The following ALG8 variants were observed in gnomAD, a reference collection of about 807,000 sequenced individuals.
ALG8 encodes the protein ALG8 alpha-1,3-glucosyltransferase.
Under a neutral mutation model 70.2 loss-of-function variants are expected in ALG8, and 48 were observed. The observed-to-expected ratio is 0.68, with a 90% confidence interval of 0.54 to 0.87. ALG8 has a LOEUF of 0.87. Among genes scored for constraint, ALG8 ranks in the 40% least tolerant of loss-of-function variants. ALG8 has a pLI of 0.00. For synonymous variants in ALG8, 234 were observed against 229.0 expected (o/e 1.02, Z -0.20); for missense variants, 572 against 608.7 (o/e 0.94, Z 0.64).
chr11:78,114,143 C>T (rs1860449452), intron 6 of ALG8, 123 bp downstream of exon 6: 1 of 1,444,138 alleles, frequency 6.9e-7, no homozygotes, highest in Non-Finnish European at 9.6e-7. Flanking sequence ...GGGTAAAGGG[C>T]TTACAGGATT....
At chr11:78,120,205 A>C (rs991984991) in intron 4 of ALG8, among the ~76,000 whole-genome samples, 2 of 152,172 alleles carry the variant, frequency 1.3e-5, no homozygotes, top group Non-Finnish European at 2.9e-5. Context: ...ATTTATGTTT[A>C]AGAAGAAAAA....
At chr11:78,112,502 G>A in intron 8 of ALG8, 148 bp downstream of exon 8, 1 of 1,180,816 alleles carries the variant, frequency 8.5e-7, no homozygotes, top group Non-Finnish European at 1.2e-6. Flanking sequence ...CCCAAGAACT[G>A]CTCCCCCTGT....
In ALG8 at chr11:78,109,591, A is replaced by T. The variant is rs1860190413; in HGVS notation, c.899-10T>A. On this transcript the variant is annotated splice_polypyrimidine_tract_variant and intron_variant, in intron 8 of 12. Transcript: ENST00000299626. ...AATTTCAATTTCAAACCTATTAAAC[A>T]GATATTTTGTTTTGTTTTATTTTTA... The T allele has an allele frequency of 6.2e-7, 1 of 1,611,352 alleles. No homozygotes were observed.
chr11:78,102,675 G>A (rs180702509), intron 12 of ALG8, among the ~76,000 whole-genome samples: 18 of 152,258 alleles, frequency 1.2e-4, no homozygotes, highest in African/African-American at 4.1e-4. Context: ...ACAGTTGGCC[G>A]GGCATGGTGG....
chr11:78,122,729 CT>C (rs1276763595), intron 3 of ALG8, among the ~76,000 whole-genome samples: 5 of 152,154 alleles, frequency 3.3e-5, no homozygotes, highest in East Asian at 1.9e-4. Context: ...TACTCTTCCC[CT>C]GGAAGCTTGA....
chr11:78,114,636 G>T, intron 5 of ALG8: 1 of 537,158 alleles, frequency 1.9e-6, no homozygotes, highest in Admixed American at 3.0e-5. Context: ...AACTTTTCTG[G>T]AAAGCTAAAA....
At chr11:78,108,344 C>T (rs988256423) in intron 9 of ALG8, among the ~76,000 whole-genome samples, 6 of 151,832 alleles carry the variant, frequency 4.0e-5, no homozygotes, top group East Asian at 1.9e-4. Flanking sequence ...CAGTGGCAGG[C>T]GCCTGTAATC....
chr11:78,139,500 G>C lies in ALG8; in HGVS notation c.89C>G (p.Pro30Arg), dbSNP rs893629059. 7.1e-6 allele frequency: 11 copies of C among 1,558,524 alleles called. No individual in the cohort carries two copies. Among genetic ancestry groups the C allele is most frequent in the Non-Finnish European group, 9.6e-6 (11 of 1,150,564 alleles). ...GVTLLKCLLI[P>R]TYHSTDFEVH... ...GGCCGTGCGAGTCCCTTACTATGTG[G>C]GGATGAGAAGGCATTTGAGAAGAGT... Residue 30 changes from proline to arginine, a missense_variant, in exon 1 of 13, where the codon CCC becomes CGC. Physicochemically the swap from Pro to Arg is moderately radical, Grantham distance 103 (BLOSUM62 -2). Coordinates refer to ENST00000299626, the MANE Select transcript of ALG8 (RefSeq NM_024079.5).
chr11:78,116,946 T>C (rs1860601183), intron 5 of ALG8, among the ~76,000 whole-genome samples: 1 of 152,198 alleles, frequency 6.6e-6, no homozygotes, highest in Non-Finnish European at 1.5e-5. Context: ...ATTTAAGATC[T>C]GGGTAAGGTC....
intron 1 of ALG8, among the ~76,000 whole-genome samples, chr11:78,130,361 A>AAAAAAAAAG (rs928560857): frequency 1.5e-5 from 2 of 132,636 alleles, no homozygotes; most frequent in South Asian, 2.3e-4. Context: ...AAAAAAAAAA[A>AAAAAAAAAG]AAAAAAGGTG....
Position 78,139,603 on chromosome 11 carries a change from A to C in ALG8, c.-15T>G, listed in dbSNP as rs1310152465. The C allele has an allele frequency of 1.3e-6, 2 of 1,551,888 alleles. No homozygotes were observed. Among genetic ancestry groups the C allele is most frequent in the East Asian group, 2.4e-5 (1 of 40,980 alleles). ...AGCGCCGCCATTGCTGCGGCACCGC[A>C]CGCTTCCCACCAACTTGATCCACAT... On this transcript the variant is annotated 5_prime_UTR_variant, in exon 1 of 13. Transcript: ENST00000299626.
rs561250833 is a variant in ALG8, at chr11:78,113,728, A to C, written c.777+158T>G. ...ACTCCATCTTAAACAAAAACAAAAA[A>C]AAAAAAGGAATACTGCCCTATCTTT... On this transcript the variant is annotated intron_variant, in intron 7 of 12. Transcript: ENST00000299626. Among the ~76,000 whole-genome samples, 21 of 151,674 alleles carry C rather than the reference A, an allele frequency of 1.4e-4. No homozygotes were observed. The East Asian group carries it at 1.5e-3, about 11-fold the overall frequency.
intron 4 of ALG8, 85 bp from the exon 5 acceptor site, chr11:78,119,334 G>A (rs1860716947): frequency 1.1e-6 from 1 of 948,038 alleles, no homozygotes; most frequent in South Asian, 1.4e-5. Flanking sequence ...AATTCCAAAT[G>A]CTTTAATAGC....
intron 1 of ALG8, among the ~76,000 whole-genome samples, chr11:78,131,143 T>C (rs1861293368): frequency 6.6e-6 from 1 of 152,164 alleles, no homozygotes; most frequent in African/African-American, 2.4e-5. Context: ...TATTCAAAAC[T>C]GTTGGAGACT....
In ALG8 at chr11:78,139,590, G is replaced by A. The variant is rs1861711029; in HGVS notation, c.-2C>T. The A allele has an allele frequency of 6.4e-7, 1 of 1,553,994 alleles. No homozygotes were observed. Among genetic ancestry groups the A allele is most frequent in the Non-Finnish European group, 8.7e-7 (1 of 1,148,198 alleles). On this transcript the variant is annotated 5_prime_UTR_variant, in exon 1 of 13. Coordinates refer to ENST00000299626, the MANE Select transcript of ALG8 (RefSeq NM_024079.5). ...CGTGGCAATTGTGAGCGCCGCCATT[G>A]CTGCGGCACCGCACGCTTCCCACCA...
chr11:78,104,589 A>G, intron 10 of ALG8, 136 bp from the exon 11 acceptor site: 1 of 751,682 alleles, frequency 1.3e-6, no homozygotes, highest in East Asian at 2.7e-5. Flanking sequence ...AGTTCAATTT[A>G]GTTGAGAATA....
At chr11:78,101,227 T>C in intron 12 of ALG8, 32 bp from the exon 13 acceptor site, 2 of 1,561,882 alleles carry the variant, frequency 1.3e-6, no homozygotes, top group Non-Finnish European at 1.8e-6. Context: ...AGTCTGATTT[T>C]AGATGAGTCA....
At chr11:78,136,923 C>A (rs1861581286) in intron 1 of ALG8, among the ~76,000 whole-genome samples, 1 of 148,964 alleles carries the variant, frequency 6.7e-6, no homozygotes. Flanking sequence ...TTTTTTGAGA[C>A]AGAGTTTCAC....
rs1054689606 is a variant in ALG8 at position 78,125,233 on chromosome 11, C to A, written c.175-1019G>T. ...ATTTTTAGTAGAGACGGGGTTTCACCATGTTAGCCAGGACGGTCTCGATCT... is the reference window on the plus strand; with the variant it reads ...ATTTTTAGTAGAGACGGGGTTTCACAATGTTAGCCAGGACGGTCTCGATCT... On this transcript the variant is annotated intron_variant, in intron 2 of 12. Coordinates refer to ENST00000299626, the MANE Select transcript of ALG8 (RefSeq NM_024079.5). Among the ~76,000 whole-genome samples, 95 of 151,712 alleles carry A rather than the reference C, an allele frequency of 6.3e-4. 1 individual carries two copies. Among genetic ancestry groups the A allele is most frequent in the East Asian group, 3.9e-4 (2 of 5,094 alleles).
Sources: allele counts gnomAD v4.1 joint callset (sites outside exome capture counted in the v4.1 genomes callset), GRCh38; gene constraint gnomAD v4.1.1; transcripts MANE v1.5; gene names NCBI Gene and HGNC (gene_info 2026-07-23, HGNC 2026-07-21).